The following SATL1 variants were observed in gnomAD, a reference collection of about 807,000 sequenced individuals.
SATL1 encodes spermidine/spermine N1-acetyl transferase like 1.
A neutral mutation model predicts 51.8 loss-of-function variants in SATL1; 47 were observed. The observed-to-expected ratio is 0.91, with a 90% CI of 0.72 to 1.16. SATL1 has a LOEUF of 1.16. Among genes scored for constraint, SATL1 ranks in the 50% most tolerant of loss-of-function variants. The pLI, the probability that SATL1 is intolerant of heterozygous loss-of-function variation, is 0.00. For missense variants in SATL1, 520 were observed against 526.4 expected (o/e 0.99, Z 0.12); for synonymous variants, 176 against 182.4 (o/e 0.97, Z 0.28).
intron 6 of SATL1, among the ~76,000 whole-genome samples, chrX:85,093,687 A>T (rs1407533017): frequency 9.0e-6 from 1 of 111,678 alleles, no homozygotes; most frequent in East Asian, 2.8e-4. Flanking sequence ...TGGGCAACAC[A>T]GACCCTGTTT....
In SATL1 at chrX:85,107,438, T is replaced by TGCCTGGTTGACTCAG. The variant is rs747703674; in HGVS notation, c.1516_1530dup (p.Leu506_Gly510dup). 43 of 1,211,153 alleles carry TGCCTGGTTGACTCAG rather than the reference T, an allele frequency of 3.6e-5. No homozygotes were observed. The highest frequency in any genetic ancestry group is 4.5e-5 in the Non-Finnish European group (40 of 895,250). On this transcript the variant is annotated inframe_insertion, in exon 3 of 8. Transcript: ENST00000644105. ...ATTTGGCTCACACTTGGTTGGCTCC[T>TGCCTGGTTGACTCAG]GCCTGGTTGACTCAGGCCTGGTTGG...
intron 2 of SATL1, among the ~76,000 whole-genome samples, chrX:85,145,899 CT>C (rs34920295): frequency 1.1e-3 from 102 of 96,608 alleles, no homozygotes; most frequent in Middle Eastern, 5.6e-3. Flanking sequence ...ACAGTATATT[CT>C]TTTTTTTTTT....
chrX:85,242,024 G>A (rs767077135), intron 1 of SATL1, among the ~76,000 whole-genome samples: 2 of 112,204 alleles, frequency 1.8e-5, no homozygotes, highest in African/African-American at 6.5e-5. Flanking sequence ...ACCTGAACAA[G>A]GTAATGATGT....
At chrX:85,156,855 ATATATATATATAT>A (rs1569238903) in intron 2 of SATL1, among the ~76,000 whole-genome samples, 11 of 33,680 alleles carry the variant, frequency 3.3e-4, no homozygotes, top group African/African-American at 5.2e-4. Flanking sequence ...ATATATATAT[ATATATATATATAT>A]AAAATATGTA....
At chrX:85,115,474 G>T (rs1925362905) in intron 2 of SATL1, among the ~76,000 whole-genome samples, 1 of 112,493 alleles carries the variant, frequency 8.9e-6, no homozygotes, top group African/African-American at 3.2e-5. Context: ...ACAGGAGAAG[G>T]GTTGGAGGTC....
chrX:85,184,300 G>C (rs1418205816), intron 2 of SATL1, among the ~76,000 whole-genome samples: 4 of 110,829 alleles, frequency 3.6e-5, no homozygotes, highest in Non-Finnish European at 7.6e-5. Flanking sequence ...ATGTTTCTTG[G>C]GATAGCCTTA....
At chrX:85,165,395 AT>A (rs1315108839) in intron 2 of SATL1, among the ~76,000 whole-genome samples, 19 of 101,201 alleles carry the variant, frequency 1.9e-4, no homozygotes, top group Middle Eastern at 5.6e-3. Context: ...AGAAGCTGTG[AT>A]TTTTTTTTTC....
chrX:85,113,905 C>T (rs773752098), intron 2 of SATL1, among the ~76,000 whole-genome samples: 4 of 111,242 alleles, frequency 3.6e-5, no homozygotes, highest in African/African-American at 6.5e-5. Context: ...TCCCTGGGCC[C>T]GTCAGAAAGT....
chrX:85,136,157 A>G (rs1925949866), intron 2 of SATL1, among the ~76,000 whole-genome samples: 1 of 110,117 alleles, frequency 9.1e-6, no homozygotes. Context: ...CAATTTAATG[A>G]AACATGGCAT....
intron 2 of SATL1, among the ~76,000 whole-genome samples, chrX:85,146,701 C>G (rs942155733): frequency 8.9e-6 from 1 of 112,079 alleles, no homozygotes; most frequent in African/African-American, 3.2e-5. Flanking sequence ...GGTAACCTGA[C>G]AAAAATTCTG....
At chrX:85,196,302 G>T (rs1220165417) in intron 2 of SATL1, among the ~76,000 whole-genome samples, 1 of 111,430 alleles carries the variant, frequency 9.0e-6, no homozygotes, top group Non-Finnish European at 1.9e-5. Context: ...AAATAAAATT[G>T]TTGAAATAAA....
intron 2 of SATL1, among the ~76,000 whole-genome samples, chrX:85,120,008 G>A (rs1298797589): frequency 8.9e-6 from 1 of 112,007 alleles, no homozygotes; most frequent in Non-Finnish European, 1.9e-5. Context: ...CTCACTTTGA[G>A]TCTTAATTAT....
chrX:85,206,189 A>G (rs1927787448), intron 2 of SATL1, among the ~76,000 whole-genome samples: 1 of 111,946 alleles, frequency 8.9e-6, no homozygotes, highest in African/African-American at 3.2e-5. Flanking sequence ...CTCAGGAGAC[A>G]AGCATGGGCT....
At chrX:85,167,818 A>T (rs1926874899) in intron 2 of SATL1, among the ~76,000 whole-genome samples, 1 of 111,092 alleles carries the variant, frequency 9.0e-6, no homozygotes, top group South Asian at 3.8e-4. Context: ...CTTGGCAGAG[A>T]TACAACAAAA....
intron 2 of SATL1, among the ~76,000 whole-genome samples, chrX:85,186,082 C>T (rs961323869): frequency 1.3e-4 from 14 of 110,083 alleles, no homozygotes; most frequent in African/African-American, 3.3e-4. Flanking sequence ...AGCAGTTTCA[C>T]TTCTGGCCCT....
chrX:85,143,625 A>G (rs1429121247), intron 2 of SATL1: 1 of 111,928 alleles, frequency 8.9e-6, no homozygotes, highest in Non-Finnish European at 1.9e-5. Flanking sequence ...ACAGTATTAC[A>G]AGCAAAGGTT....
intron 2 of SATL1, among the ~76,000 whole-genome samples, chrX:85,152,440 C>T (rs1308419383): frequency 4.5e-5 from 5 of 111,546 alleles, no homozygotes; most frequent in African/African-American, 1.6e-4. Context: ...CTAGAAATAC[C>T]ATTTGACCCA....
intron 2 of SATL1, among the ~76,000 whole-genome samples, chrX:85,176,748 G>A (rs948379552): frequency 1.8e-5 from 2 of 111,233 alleles, no homozygotes; most frequent in Non-Finnish European, 3.8e-5. Context: ...GTTGGGAACT[G>A]AGTGGTTGGA....
intron 2 of SATL1, among the ~76,000 whole-genome samples, chrX:85,216,153 A>G (rs1334263427): frequency 2.7e-5 from 3 of 111,112 alleles, no homozygotes; most frequent in Non-Finnish European, 5.7e-5. Context: ...AAGAGCAGGG[A>G]GGTGACAGGC....
Sources: gnomAD v4.1 joint callset for allele counts (sites outside exome capture counted in the v4.1 genomes callset) on GRCh38, gnomAD v4.1.1 for gene constraint, MANE v1.5 for transcripts, NCBI Gene and HGNC (gene_info 2026-07-23, HGNC 2026-07-21) for gene names.